The following PCDHA8 variants were observed in gnomAD, a reference collection of about 807,000 sequenced individuals.
PCDHA8 encodes protocadherin alpha 8, also known as protocadherin alpha-8.
PCDHA8 carries 53 observed loss-of-function variants against 61.8 expected under a neutral mutation model. The observed-to-expected ratio is 0.86, with a 90% CI of 0.69 to 1.08. The LOEUF (loss-of-function observed/expected upper bound fraction) is 1.08. Among genes scored for constraint, PCDHA8 ranks in the 50% least tolerant of loss-of-function variants. The probability of loss-of-function intolerance (pLI) is 0.00; values close to 1 mark genes in which losing one functional copy is unlikely to be tolerated. For synonymous variants in PCDHA8, 618 were observed against 556.6 expected (o/e 1.11, Z -1.55); for missense variants, 1,293 against 1,245.0 (o/e 1.04, Z -0.58).
At chr5:140,868,949 G>A (rs2050751465) in intron 1 of PCDHA8, 1 of 1,302,330 alleles carries the variant, frequency 7.7e-7, no homozygotes, top group Non-Finnish European at 1.0e-6. Context: ...GAACAGTGAG[G>A]CACTCCCATA....
At chr5:140,867,070 CA>C (rs1214152735) in intron 1 of PCDHA8, 1 of 152,124 alleles carries the variant, frequency 6.6e-6, no homozygotes, top group Non-Finnish European at 1.5e-5. Flanking sequence ...TATATATTCA[CA>C]AAATACTGTA....
chr5:140,852,781 G>C lies in PCDHA8; in HGVS notation c.2394+9066G>C, dbSNP rs1213399832. 14 of 979,508 alleles carry C rather than the reference G, an allele frequency of 1.4e-5. 1 individual carries two copies. The highest frequency in any genetic ancestry group is 6.3e-5 in the Admixed American group (1 of 15,846). 60.7% of individuals were successfully genotyped at this position (979,508 alleles called of 1,614,324 possible). ...GGTATCTGATTATTTGATGTGAATA[G>C]AGGGATGCTACAGATGTCATTTGTC... On this transcript the variant is annotated intron_variant, in intron 1 of 3. Coordinates refer to ENST00000531613, the MANE Select transcript of PCDHA8 (RefSeq NM_018911.3).
At chr5:140,875,893 C>T (rs781840611) in intron 1 of PCDHA8, 1 of 1,614,140 alleles carries the variant, frequency 6.2e-7, no homozygotes, top group Non-Finnish European at 8.5e-7. Flanking sequence ...ACAAAAGGTA[C>T]CTGTTTCTGA....
At chr5:140,861,430 A>C in intron 1 of PCDHA8, 1 of 488,226 alleles carries the variant, frequency 2.0e-6, no homozygotes, top group Admixed American at 2.1e-5. Context: ...TTTCAGTTGG[A>C]TTCCAAAAGC....
At chr5:140,917,776 A>G (rs1222024686) in intron 1 of PCDHA8, among the ~76,000 whole-genome samples, 2 of 152,044 alleles carry the variant, frequency 1.3e-5, no homozygotes, top group Non-Finnish European at 2.9e-5. Flanking sequence ...TATTAGTACC[A>G]TGTTGTTTTG....
At chr5:140,979,062 G>A in intron 2 of PCDHA8, 55 bp downstream of exon 2, 1 of 1,604,568 alleles carries the variant, frequency 6.2e-7, no homozygotes, top group Non-Finnish European at 8.5e-7. Flanking sequence ...GTATGGCTCA[G>A]ATAAACTGCA....
At chr5:140,968,580 C>T (rs782395602) in intron 1 of PCDHA8, 1 of 1,614,218 alleles carries the variant, frequency 6.2e-7, no homozygotes, top group Admixed American at 1.7e-5. Context: ...TACCTGGTCA[C>T]CAAAGTCATA....
At chr5:141,001,723 A>G (rs936645287) in intron 3 of PCDHA8, among the ~76,000 whole-genome samples, 22 of 152,286 alleles carry the variant, frequency 1.4e-4, no homozygotes, top group African/African-American at 4.8e-4. Context: ...GGAGCTTGAG[A>G]TATTTTACAA....
intron 1 of PCDHA8, among the ~76,000 whole-genome samples, chr5:140,891,122 G>A (rs572236105): frequency 1.3e-5 from 2 of 152,256 alleles, no homozygotes; most frequent in African/African-American, 4.8e-5. Flanking sequence ...CAATCTAAAT[G>A]TCATTCCTTT....
chr5:140,957,652 A>G (rs2095373583), intron 1 of PCDHA8, among the ~76,000 whole-genome samples: 1 of 152,132 alleles, frequency 6.6e-6, no homozygotes, highest in African/African-American at 2.4e-5. Flanking sequence ...TAAATATTCA[A>G]TCATGGAGTA....
At chr5:140,945,440 T>C (rs932464631) in intron 1 of PCDHA8, among the ~76,000 whole-genome samples, 1 of 151,948 alleles carries the variant, frequency 6.6e-6, no homozygotes, top group African/African-American at 2.4e-5. Context: ...TACAGAAATA[T>C]AAAAAACTTC....
chr5:140,850,362 C>T (rs199864758), intron 1 of PCDHA8: 1 of 1,597,838 alleles, frequency 6.3e-7, no homozygotes, highest in South Asian at 1.1e-5. Flanking sequence ...CATCCCGTTC[C>T]GCGTGGGGCT....
chr5:140,863,392 C>A (rs782692076), intron 1 of PCDHA8: 3 of 921,584 alleles, frequency 3.3e-6, no homozygotes, highest in Non-Finnish European at 3.4e-6. Context: ...CTCGTGCATG[C>A]CGGGCAAGCC....
At chr5:140,915,861 G>A (rs2077339820) in intron 1 of PCDHA8, among the ~76,000 whole-genome samples, 1 of 152,182 alleles carries the variant, frequency 6.6e-6, no homozygotes, top group African/African-American at 2.4e-5. Flanking sequence ...AGCCAAGTTT[G>A]CATCCTTCCC....
intron 1 of PCDHA8, chr5:140,868,976 T>C: frequency 6.7e-7 from 1 of 1,481,558 alleles, no homozygotes; most frequent in Non-Finnish European, 9.0e-7. Context: ...AACTCCATCA[T>C]ACCGGATGCC....
At position 140,842,129 on chromosome 5, in the gene PCDHA8, G is replaced by A. The variant is rs1181203703; in HGVS notation, c.808G>A (p.Asp270Asn). The change falls in exon 1 of 4, where the codon GAT becomes AAT. Residue 270 changes from aspartate to asparagine, a missense_variant. Physicochemically the swap from Asp to Asn is conservative, Grantham distance 23. Transcript: ENST00000531613. Reference protein sequence around the residue: ...TVIKLNASDPDEGANGAISYS... With the variant: ...TVIKLNASDPNEGANGAISYS... ...TATCAAACTGAATGCTTCTGATCCG[G>A]ATGAAGGAGCCAATGGGGCAATTTC... is the stretch of plus-strand genomic sequence containing the variant. The A allele has an allele frequency of 1.2e-6, 2 of 1,613,748 alleles. No individual in the cohort carries two copies. Among genetic ancestry groups the A allele is most frequent in the Non-Finnish European group, 1.7e-6 (2 of 1,179,862 alleles).
chr5:140,936,674 T>C (rs1410690822), intron 1 of PCDHA8, among the ~76,000 whole-genome samples: 6 of 152,228 alleles, frequency 3.9e-5, no homozygotes, highest in African/African-American at 1.4e-4. Context: ...GGACTGTCTA[T>C]TCTGTTTCAT....
At chr5:140,857,560 G>T in intron 1 of PCDHA8, 1 of 1,596,914 alleles carries the variant, frequency 6.3e-7, no homozygotes, top group Non-Finnish European at 8.6e-7. Flanking sequence ...GCTCGCTGTC[G>T]AGCTACGTGT....
intron 1 of PCDHA8, chr5:140,854,176 A>AAT: frequency 1.5e-6 from 1 of 663,712 alleles, no homozygotes; most frequent in Non-Finnish European, 1.9e-6. Flanking sequence ...AAAAAAAAAA[A>AAT]GAGTAGTTTA....
Sources: gnomAD v4.1 joint callset for allele counts (sites outside exome capture counted in the v4.1 genomes callset) on GRCh38, gnomAD v4.1.1 for gene constraint, MANE v1.5 for transcripts, NCBI Gene and HGNC (gene_info 2026-07-23, HGNC 2026-07-21) for gene names.